Variants in SYT16 observed in about 807,000 individuals in gnomAD.
The protein encoded by SYT16 is synaptotagmin-16.
In SYT16, 42 loss-of-function variants were observed where a neutral mutation model predicts 61.4. The ratio of observed to expected loss-of-function variants is 0.68; its 90% CI spans 0.53 to 0.89. The LOEUF is 0.89. SYT16 is among the 40% of genes least tolerant of loss of function. SYT16 has a pLI of 0.00. For missense variants in SYT16, 804 were observed against 807.3 expected, an observed-to-expected ratio of 1.00 and a Z score of 0.05; for synonymous variants, 314 against 302.3, an observed-to-expected ratio of 1.04 and a Z score of -0.40.
intron 1 of SYT16, among the ~76,000 whole-genome samples, chr14:61,897,511 C>A (rs1177501946): frequency 1.3e-5 from 2 of 152,118 alleles, no homozygotes; most frequent in Non-Finnish European, 1.5e-5. Context: ...CCTGCATAAC[C>A]TGATTTGCAT....
At chr14:62,055,518 C>T (rs1337199663) in intron 3 of SYT16, among the ~76,000 whole-genome samples, 1 of 152,130 alleles carries the variant, frequency 6.6e-6, no homozygotes, top group Non-Finnish European at 1.5e-5. Context: ...GTTTTGTGAT[C>T]CCTGCAGTCA....
At chr14:61,869,598 C>A (rs905607898) in intron 1 of SYT16, among the ~76,000 whole-genome samples, 1 of 151,978 alleles carries the variant, frequency 6.6e-6, no homozygotes, top group South Asian at 2.1e-4. Flanking sequence ...TGTTATACAC[C>A]CAACTGCTGT....
intron 1 of SYT16, among the ~76,000 whole-genome samples, chr14:61,956,278 T>G (rs2050871187): frequency 6.6e-6 from 1 of 152,142 alleles, no homozygotes; most frequent in Admixed American, 6.6e-5. Flanking sequence ...ATTGTTTCCT[T>G]TGCTGTGCAG....
chr14:61,832,430 T>C (rs1041001867), intron 1 of SYT16: 7 of 449,214 alleles, frequency 1.6e-5, no homozygotes, highest in Non-Finnish European at 3.1e-5. Flanking sequence ...ACCCCAGTAG[T>C]TCTTTTTTGT....
intron 1 of SYT16, among the ~76,000 whole-genome samples, chr14:61,857,304 T>C (rs972406635): frequency 6.6e-6 from 1 of 152,208 alleles, no homozygotes; most frequent in African/African-American, 2.4e-5. Flanking sequence ...TTGCAAGCTC[T>C]TGTGGGAGAA....
intron 1 of SYT16, among the ~76,000 whole-genome samples, chr14:61,836,018 A>T (rs78260393): frequency 0.022 from 3,411 of 152,318 alleles, 64 homozygotes; most frequent in African/African-American, 0.052. Flanking sequence ...AAATTTAATT[A>T]ATCAGAACTT....
At chr14:61,948,945 T>G (rs2050556604) in intron 1 of SYT16, among the ~76,000 whole-genome samples, 1 of 151,550 alleles carries the variant, frequency 6.6e-6, no homozygotes, top group Non-Finnish European at 1.5e-5. Context: ...TTGGGTCTTC[T>G]GATTTTAAAA....
intron 3 of SYT16, among the ~76,000 whole-genome samples, chr14:61,998,956 G>A (rs1362418823): frequency 1.3e-5 from 2 of 151,840 alleles, no homozygotes; most frequent in African/African-American, 4.8e-5. Context: ...AAATAACACT[G>A]TTTTGAAAGT....
At position 62,102,892 on chromosome 14, in the gene SYT16, G is replaced by A. The variant is rs1393742076; in HGVS notation, c.*2185G>A. The A allele has an allele frequency of 6.6e-6, 1 of 152,016 alleles. No individual in the cohort carries two copies. Among genetic ancestry groups the A allele is most frequent in the African/African-American group, 2.4e-5 (1 of 41,392 alleles). The allele number at this position is 152,016 out of a possible 1,614,324, so 9.4% of individuals were successfully genotyped here. ...TTCGGCTGGTGTAGTGAAGATATTTGTGTGCTTGATCTGCCTTCCAATGGT... is the reference window on the plus strand; with the variant it reads ...TTCGGCTGGTGTAGTGAAGATATTTATGTGCTTGATCTGCCTTCCAATGGT... On this transcript the variant is annotated 3_prime_UTR_variant, in exon 8 of 8. Coordinates refer to ENST00000683842, the MANE Select transcript of SYT16 (RefSeq NM_001367656.1).
chr14:61,851,904 T>G (rs2046631287), intron 1 of SYT16, among the ~76,000 whole-genome samples: 1 of 152,232 alleles, frequency 6.6e-6, no homozygotes, highest in Non-Finnish European at 1.5e-5. Flanking sequence ...AGAAGCTCTT[T>G]AATTAGATCC....
At chr14:61,987,511 C>T (rs2052364324) in intron 2 of SYT16, among the ~76,000 whole-genome samples, 1 of 152,114 alleles carries the variant, frequency 6.6e-6, no homozygotes. Flanking sequence ...GTGACTTGGA[C>T]TCAAGTATTA....
chr14:62,054,339 A>G (rs2055443091), intron 3 of SYT16, among the ~76,000 whole-genome samples: 1 of 150,470 alleles, frequency 6.6e-6, no homozygotes, highest in Non-Finnish European at 1.5e-5. Context: ...CCTTTATAAA[A>G]GCTGTTACTT....
At position 62,109,751 on chromosome 14, in the gene SYT16, G is replaced by A. The variant is rs1199869303; in HGVS notation, c.*9044G>A. 6.6e-6 allele frequency: 1 copy of A among 152,096 alleles called. No individual in the cohort carries two copies. Among genetic ancestry groups the A allele is most frequent in the Non-Finnish European group, 1.5e-5 (1 of 67,996 alleles). 9.4% of individuals were successfully genotyped at this position (152,096 alleles called of 1,614,324 possible). On this transcript the variant is annotated 3_prime_UTR_variant, in exon 8 of 8. Transcript: ENST00000683842. ...TGAGTTAAATACCTGTCGATAAAAA[G>A]TGTTAATTATGTTATTACTGATTCA... is the stretch of plus-strand genomic sequence containing the variant.
intron 1 of SYT16, among the ~76,000 whole-genome samples, chr14:61,960,789 G>A (rs2051086196): frequency 6.6e-6 from 1 of 152,088 alleles, no homozygotes; most frequent in Non-Finnish European, 1.5e-5. Context: ...GTTTTCAAGG[G>A]GAATGCTTCC....
intron 1 of SYT16, among the ~76,000 whole-genome samples, chr14:61,852,525 A>C (rs2046647884): frequency 6.6e-6 from 1 of 152,160 alleles, no homozygotes; most frequent in Admixed American, 6.5e-5. Context: ...GGCCATTTTC[A>C]TGATATTGAT....
At chr14:62,027,543 C>T (rs1259873881) in intron 3 of SYT16, among the ~76,000 whole-genome samples, 2 of 152,196 alleles carry the variant, frequency 1.3e-5, no homozygotes, top group Non-Finnish European at 2.9e-5. Flanking sequence ...ATCCTTCTCT[C>T]ACTAGATATT....
At chr14:62,052,792 AG>A (rs1219799486) in intron 3 of SYT16, among the ~76,000 whole-genome samples, 1 of 152,214 alleles carries the variant, frequency 6.6e-6, no homozygotes, top group Non-Finnish European at 1.5e-5. Flanking sequence ...TAAAAAGAGA[AG>A]TCAGCTGTCT....
At chr14:61,917,032 A>G (rs1450450303) in intron 1 of SYT16, among the ~76,000 whole-genome samples, 1 of 152,130 alleles carries the variant, frequency 6.6e-6, no homozygotes, top group Non-Finnish European at 1.5e-5. Flanking sequence ...GCTATTATTA[A>G]TAGTGCTGCA....
intron 3 of SYT16, among the ~76,000 whole-genome samples, chr14:62,041,408 T>C (rs1409071634): frequency 6.6e-6 from 1 of 152,252 alleles, no homozygotes; most frequent in Non-Finnish European, 1.5e-5. Flanking sequence ...ATTTATTATA[T>C]GCCTTGATAG....
Sources: allele counts gnomAD v4.1 joint callset (sites outside exome capture counted in the v4.1 genomes callset), GRCh38; gene constraint gnomAD v4.1.1; transcripts MANE v1.5; gene names NCBI Gene and HGNC (gene_info 2026-07-23, HGNC 2026-07-21).